The following CNTNAP2 variants were observed in gnomAD, a reference collection of about 807,000 sequenced individuals.
CNTNAP2 encodes the protein contactin-associated protein-like 2.
In CNTNAP2, 98 loss-of-function variants were observed where a neutral mutation model predicts 155.2. The observed-to-expected ratio is 0.63, with a 90% CI of 0.54 to 0.75. The LOEUF (loss-of-function observed/expected upper bound fraction) is 0.75, where lower values mean the gene tolerates loss of function less well. Among genes scored for constraint, CNTNAP2 ranks in the 30% least tolerant of loss-of-function variants. The probability of loss-of-function intolerance (pLI) is 0.00; values close to 1 mark genes in which losing one functional copy is unlikely to be tolerated. For synonymous variants in CNTNAP2, 651 were observed against 631.2 expected (o/e 1.03, Z -0.47); for missense variants, 1,727 against 1,688.1 (o/e 1.02, Z -0.40).
chr7:147,242,509 C>T lies in CNTNAP2; in HGVS notation c.1349-57632C>T, dbSNP rs188629917. Among the ~76,000 whole-genome samples the T allele has an allele frequency of 3.9e-3, 597 of 152,240 alleles. 7 individuals carry two copies. Among genetic ancestry groups the T allele is most frequent in the Non-Finnish European group, 5.8e-3 (394 of 68,014 alleles). The stretch of plus-strand genomic sequence containing the variant: ...AAATCTGTGGTAGTATGACAGAAAA[C>T]GAGTCTTCATTTGGCTGGTAGATTC... On this transcript the variant is annotated intron_variant, in intron 8 of 23. Transcript: ENST00000361727.
intron 11 of CNTNAP2, among the ~76,000 whole-genome samples, chr7:147,524,511 G>A (rs532209202): frequency 6.6e-6 from 1 of 152,206 alleles, no homozygotes; most frequent in Non-Finnish European, 1.5e-5. Flanking sequence ...AAGCCAAAGA[G>A]ACACAACTCA....
intron 1 of CNTNAP2, among the ~76,000 whole-genome samples, chr7:146,395,820 GATAGAGGAGA>G (rs1795615304): frequency 7.3e-6 from 1 of 137,442 alleles, no homozygotes; most frequent in Non-Finnish European, 1.5e-5. Context: ...TAGATAGATA[GATAGAGGAGA>G]GAGAGAGAGA....
At chr7:146,399,982 A>G (rs1584907335) in intron 1 of CNTNAP2, among the ~76,000 whole-genome samples, 1 of 152,158 alleles carries the variant, frequency 6.6e-6, no homozygotes, top group Non-Finnish European at 1.5e-5. Context: ...CTTTCTGGGA[A>G]AACTGAACTA....
chr7:148,396,006 A>ACCCTC (rs1799459316), intron 22 of CNTNAP2, among the ~76,000 whole-genome samples: 1 of 151,556 alleles, frequency 6.6e-6, no homozygotes, highest in South Asian at 2.1e-4. Context: ...TGGGCTGTCC[A>ACCCTC]CCCTCCGACC....
intron 10 of CNTNAP2, among the ~76,000 whole-genome samples, chr7:147,416,114 C>T (rs927405934): frequency 6.6e-6 from 1 of 152,204 alleles, no homozygotes; most frequent in Non-Finnish European, 1.5e-5. Flanking sequence ...TCAGCAATGA[C>T]TTCCTGTGGG....
intron 13 of CNTNAP2, among the ~76,000 whole-genome samples, chr7:147,880,445 G>A (rs2708240): frequency 0.57 from 86,541 of 151,898 alleles, 25,235 homozygotes; most frequent in African/African-American, 0.69. Flanking sequence ...TTGGATATGT[G>A]AGTCTGAGTC....
chr7:147,657,737 T>C, intron 13 of CNTNAP2, among the ~76,000 whole-genome samples: 1 of 152,240 alleles, frequency 6.6e-6, no homozygotes, highest in Non-Finnish European at 1.5e-5. Context: ...TTGAAAATGT[T>C]ATTTTTAATG....
At chr7:147,961,945 G>A (rs567704495) in intron 14 of CNTNAP2, among the ~76,000 whole-genome samples, 7 of 152,276 alleles carry the variant, frequency 4.6e-5, no homozygotes, top group Non-Finnish European at 7.4e-5. Context: ...AGGAAAGAAA[G>A]AGAATAGGAA....
intron 13 of CNTNAP2, among the ~76,000 whole-genome samples, chr7:147,651,564 C>G (rs1028322982): frequency 3.9e-5 from 6 of 152,158 alleles, no homozygotes; most frequent in Admixed American, 2.6e-4. Context: ...CTCTCTAGGT[C>G]AGCATAGTCA....
chr7:148,410,910 A>G (rs984841699), intron 23 of CNTNAP2, among the ~76,000 whole-genome samples: 1 of 152,214 alleles, frequency 6.6e-6, no homozygotes, highest in Non-Finnish European at 1.5e-5. Context: ...ACAAAAATGT[A>G]CTGTACTTGG....
At chr7:147,189,846 A>C (rs541938636) in intron 8 of CNTNAP2, among the ~76,000 whole-genome samples, 1 of 151,860 alleles carries the variant, frequency 6.6e-6, no homozygotes, top group Non-Finnish European at 1.5e-5. Context: ...CCAAGTTCAC[A>C]CCATTCTCCT....
intron 1 of CNTNAP2, among the ~76,000 whole-genome samples, chr7:146,192,351 C>T (rs576388286): frequency 1.2e-4 from 18 of 152,212 alleles, no homozygotes; most frequent in African/African-American, 4.1e-4. Context: ...ATCAGAAACC[C>T]TAAGATATTA....
At chr7:147,590,239 C>A (rs1400346550) in intron 12 of CNTNAP2, among the ~76,000 whole-genome samples, 1 of 152,016 alleles carries the variant, frequency 6.6e-6, no homozygotes, top group Admixed American at 6.6e-5. Context: ...TTATTGATAG[C>A]CTGTTACATG....
chr7:148,328,930 TG>T (rs1797938738), intron 21 of CNTNAP2, among the ~76,000 whole-genome samples: 1 of 133,690 alleles, frequency 7.5e-6, no homozygotes. Context: ...GAGCCGAGAT[TG>T]TGCCACTGTA....
At chr7:147,695,830 A>T (rs915240986) in intron 13 of CNTNAP2, among the ~76,000 whole-genome samples, 4 of 152,176 alleles carry the variant, frequency 2.6e-5, no homozygotes, top group Non-Finnish European at 5.9e-5. Flanking sequence ...AAAAATTTTT[A>T]AAAAGTATAT....
chr7:148,251,772 C>G (rs1374112721), intron 20 of CNTNAP2, among the ~76,000 whole-genome samples: 1 of 152,218 alleles, frequency 6.6e-6, no homozygotes. Context: ...GCAGCAGCCT[C>G]AGGCATTGGT....
At chr7:146,666,645 T>A (rs1800200226) in intron 1 of CNTNAP2, among the ~76,000 whole-genome samples, 1 of 152,176 alleles carries the variant, frequency 6.6e-6, no homozygotes, top group African/African-American at 2.4e-5. Context: ...TTTCTCCACA[T>A]CCTTTCAAGC....
At chr7:147,555,001 T>C (rs879284950) in intron 11 of CNTNAP2, among the ~76,000 whole-genome samples, 10 of 152,198 alleles carry the variant, frequency 6.6e-5, no homozygotes, top group Admixed American at 2.6e-4. Flanking sequence ...CTCAAGGTCA[T>C]TGCCGCCTCT....
chr7:147,825,555 T>C (rs902192884), intron 13 of CNTNAP2, among the ~76,000 whole-genome samples: 2 of 152,174 alleles, frequency 1.3e-5, no homozygotes, highest in African/African-American at 4.8e-5. Flanking sequence ...TGTATGATAA[T>C]AGTATTCTCC....
Sources: allele counts gnomAD v4.1 joint callset (sites outside exome capture counted in the v4.1 genomes callset), GRCh38; gene constraint gnomAD v4.1.1; transcripts MANE v1.5; gene names NCBI Gene and HGNC (gene_info 2026-07-23, HGNC 2026-07-21).